Variants in PIK3C2G observed in about 807,000 individuals in gnomAD.
PIK3C2G encodes phosphatidylinositol 3-kinase C2 domain-containing subunit gamma.
PIK3C2G carries 168 observed loss-of-function variants against 181.1 expected under a neutral mutation model. The observed-to-expected ratio is 0.93, with a 90% CI of 0.82 to 1.05. The LOEUF (loss-of-function observed/expected upper bound fraction) is 1.05. PIK3C2G is among the 50% of genes least tolerant of loss of function. PIK3C2G has a pLI of 0.00. For synonymous variants in PIK3C2G, 573 were observed against 592.2 expected (o/e 0.97, Z 0.47); for missense variants, 1,869 against 1,732.8 (o/e 1.08, Z -1.40).
chr12:18,625,434 C>G (rs773682309), intron 31 of PIK3C2G, among the ~76,000 whole-genome samples: 99 of 151,650 alleles, frequency 6.5e-4, no homozygotes, highest in Non-Finnish European at 1.1e-3. Context: ...TTTATTACGG[C>G]CTAACATATG....
At chr12:18,602,483 A>T (rs907691382) in intron 30 of PIK3C2G, among the ~76,000 whole-genome samples, 4 of 143,754 alleles carry the variant, frequency 2.8e-5, no homozygotes, top group Admixed American at 7.1e-5. Context: ...TAATTGTGGG[A>T]GTTCTAGGAC....
intron 18 of PIK3C2G, among the ~76,000 whole-genome samples, chr12:18,466,110 CAA>C (rs1427859620): frequency 1.3e-5 from 2 of 151,504 alleles, no homozygotes; most frequent in Non-Finnish European, 3.0e-5. Context: ...ATACATAGAA[CAA>C]GAGATAGTTC....
chr12:18,533,453 C>T (rs964972397), intron 24 of PIK3C2G, among the ~76,000 whole-genome samples: 3 of 152,034 alleles, frequency 2.0e-5, no homozygotes, highest in African/African-American at 7.2e-5. Flanking sequence ...AGTCTTCCCA[C>T]TTCTCTGTTA....
At chr12:18,624,681 G>C (rs1172742108) in intron 31 of PIK3C2G, among the ~76,000 whole-genome samples, 13 of 151,264 alleles carry the variant, frequency 8.6e-5, no homozygotes, top group Non-Finnish European at 1.5e-5. Flanking sequence ...GCTTTTTTTT[G>C]AGGAGAGACT....
intron 18 of PIK3C2G, among the ~76,000 whole-genome samples, chr12:18,447,892 T>C (rs1214287422): frequency 6.6e-6 from 1 of 152,176 alleles, no homozygotes; most frequent in Non-Finnish European, 1.5e-5. Flanking sequence ...GATGGTATTA[T>C]TTAAAAGTAT....
chr12:18,671,483 A>G, the PIK3C2G span, among the ~76,000 whole-genome samples: 2 of 152,118 alleles, frequency 1.3e-5, no homozygotes, highest in Non-Finnish European at 2.9e-5. Flanking sequence ...AAGATCACAC[A>G]TGAGATCAGC....
At chr12:18,498,013 GA>G (rs1286074445) in intron 22 of PIK3C2G, among the ~76,000 whole-genome samples, 1 of 152,034 alleles carries the variant, frequency 6.6e-6, no homozygotes, top group Non-Finnish European at 1.5e-5. Context: ...GTGTCTTTAA[GA>G]GTGAGTTTCA....
At chr12:18,379,990 T>C (rs1445120855) in intron 13 of PIK3C2G, among the ~76,000 whole-genome samples, 2 of 152,212 alleles carry the variant, frequency 1.3e-5, no homozygotes, top group African/African-American at 4.8e-5. Flanking sequence ...CTCCTGCCTG[T>C]TAATCACATG....
the PIK3C2G span, among the ~76,000 whole-genome samples, chr12:18,713,565 G>A: frequency 1.3e-5 from 2 of 152,108 alleles, no homozygotes; most frequent in African/African-American, 4.8e-5. Flanking sequence ...AGGGCCTGGT[G>A]AATCAGCAAA....
intron 18 of PIK3C2G, among the ~76,000 whole-genome samples, chr12:18,486,789 A>G (rs1323996141): frequency 2.6e-5 from 4 of 152,168 alleles, no homozygotes; most frequent in Non-Finnish European, 5.9e-5. Context: ...ATAAAATGGT[A>G]CATTACCACT....
chr12:18,593,156 G>A (rs1340678356), intron 29 of PIK3C2G, among the ~76,000 whole-genome samples: 1 of 151,812 alleles, frequency 6.6e-6, no homozygotes, highest in East Asian at 1.9e-4. Context: ...TTGGATTAGG[G>A]GCCCACTCTA....
At chr12:18,726,336 C>T in the PIK3C2G span, among the ~76,000 whole-genome samples, 5 of 152,082 alleles carry the variant, frequency 3.3e-5, no homozygotes, top group African/African-American at 1.2e-4. Context: ...GTTTAAAAAA[C>T]GTTCCTTAAG....
intron 14 of PIK3C2G, among the ~76,000 whole-genome samples, chr12:18,387,457 G>A (rs915715409): frequency 1.3e-5 from 2 of 152,082 alleles, no homozygotes; most frequent in African/African-American, 4.8e-5. Context: ...TGTCGTTTCT[G>A]ACATGCACTG....
intron 15 of PIK3C2G, among the ~76,000 whole-genome samples, chr12:18,399,206 A>C (rs1944091759): frequency 1.3e-5 from 2 of 150,658 alleles, no homozygotes; most frequent in African/African-American, 4.9e-5. Flanking sequence ...AAAAAAAAAA[A>C]AAAATATGCC....
chr12:18,390,900 C>G (rs1037069754), intron 14 of PIK3C2G, among the ~76,000 whole-genome samples: 12 of 152,082 alleles, frequency 7.9e-5, no homozygotes, highest in Admixed American at 6.5e-4. Flanking sequence ...GGTGACCCAT[C>G]TATACCATTT....
chr12:18,269,065 C>T (rs1378656470), intron 1 of PIK3C2G, among the ~76,000 whole-genome samples: 7 of 152,008 alleles, frequency 4.6e-5, no homozygotes, highest in Admixed American at 3.9e-4. Flanking sequence ...CGTGCACCAA[C>T]ACACCTGGCA....
intron 18 of PIK3C2G, among the ~76,000 whole-genome samples, chr12:18,462,010 C>T (rs1947944127): frequency 6.6e-6 from 1 of 152,198 alleles, no homozygotes; most frequent in Non-Finnish European, 1.5e-5. Context: ...CTGCCTCCCT[C>T]TTATAAGGAT....
At chr12:18,244,389 G>C (rs1272446145), upstream of PIK3C2G, among the ~76,000 whole-genome samples, 3 of 151,958 alleles carry the variant, frequency 2.0e-5, no homozygotes, top group East Asian at 5.8e-4. Context: ...GTTTAATAAA[G>C]TGGAATACTG....
intron 15 of PIK3C2G, among the ~76,000 whole-genome samples, chr12:18,394,292 G>C (rs1007777737): frequency 2.6e-5 from 4 of 152,008 alleles, no homozygotes; most frequent in African/African-American, 9.7e-5. Flanking sequence ...TAATTGAACT[G>C]TCTACTAAAA....
Sources: gnomAD v4.1 joint callset for allele counts (sites outside exome capture counted in the v4.1 genomes callset) on GRCh38, gnomAD v4.1.1 for gene constraint, MANE v1.5 for transcripts, NCBI Gene and HGNC (gene_info 2026-07-23, HGNC 2026-07-21) for gene names.